LINGO2: variants seen among roughly 807,000 people sequenced by gnomAD.
The protein encoded by LINGO2 is leucine-rich repeat and immunoglobulin-like domain-containing nogo receptor-interacting protein 2.
A neutral mutation model predicts 30.6 loss-of-function variants in LINGO2; 14 were observed. The ratio of observed to expected loss-of-function variants is 0.46; its 90% CI spans 0.30 to 0.72. LINGO2 has a LOEUF of 0.72. Among genes scored for constraint, LINGO2 ranks in the 30% least tolerant of loss-of-function variants. LINGO2 has a pLI of 0.07. For synonymous variants in LINGO2, 317 were observed against 288.5 expected (o/e 1.10, Z -1.00); for missense variants, 729 against 751.7 (o/e 0.97, Z 0.35).
chr9:27,956,282 T>G (rs1385452781), intron 5 of LINGO2, among the ~76,000 whole-genome samples: 1 of 152,150 alleles, frequency 6.6e-6, no homozygotes, highest in East Asian at 1.9e-4. Flanking sequence ...GGGACTATAT[T>G]ATCTCTTTGC....
At chr9:28,841,326 G>A in the LINGO2 span, among the ~76,000 whole-genome samples, 1 of 151,816 alleles carries the variant, frequency 6.6e-6, no homozygotes, top group African/African-American at 2.4e-5. Flanking sequence ...ACAAAAGATT[G>A]GCACCTGATT....
chr9:28,844,885 G>C, the LINGO2 span, among the ~76,000 whole-genome samples: 3 of 151,802 alleles, frequency 2.0e-5, no homozygotes, highest in Non-Finnish European at 4.4e-5. Flanking sequence ...ATGAATCACT[G>C]AGTTTGTGAC....
the LINGO2 span, among the ~76,000 whole-genome samples, chr9:28,872,378 A>C: frequency 6.6e-6 from 1 of 152,082 alleles, no homozygotes. Context: ...AGTGGAAGAC[A>C]TGACATTTAA....
chr9:28,280,417 A>T (rs1470910954), intron 4 of LINGO2, among the ~76,000 whole-genome samples: 1 of 152,192 alleles, frequency 6.6e-6, no homozygotes, highest in Non-Finnish European at 1.5e-5. Context: ...GAAGAATGTT[A>T]GGGAGAAGTT....
intron 1 of LINGO2, among the ~76,000 whole-genome samples, chr9:28,667,968 G>A (rs1306604685): frequency 1.3e-5 from 2 of 152,016 alleles, no homozygotes; most frequent in South Asian, 2.1e-4. Context: ...TCATCACACT[G>A]GTGACACCTT....
rs1827666882 is a variant in LINGO2 at position 28,141,346 on chromosome 9, T to A, written c.-86-128941A>T. 4.6e-5 allele frequency among the ~76,000 whole-genome samples: 7 copies of A among 152,204 alleles called. No homozygotes were observed. In the South Asian group the frequency reaches 1.4e-3, roughly 32 times the overall value. ...TATTTGCAAATGTGGTGTGGGAACG[T>A]TGGTGTGTTTGTAACAAGACTGGCA... is the stretch of plus-strand genomic sequence containing the variant. On this transcript the variant is annotated intron_variant, in intron 4 of 5. Coordinates refer to ENST00000379992, the Ensembl canonical transcript of LINGO2.
chr9:28,192,134 A>G (rs1310131217), intron 4 of LINGO2, among the ~76,000 whole-genome samples: 2 of 151,986 alleles, frequency 1.3e-5, no homozygotes, highest in Admixed American at 6.6e-5. Context: ...CCACATTTCA[A>G]TATAGCACCA....
the LINGO2 span, among the ~76,000 whole-genome samples, chr9:28,780,149 C>A: frequency 6.6e-6 from 1 of 151,964 alleles, no homozygotes; most frequent in East Asian, 1.9e-4. Flanking sequence ...TAGAAGTGTT[C>A]AATATAAATT....
chr9:28,849,319 G>A, the LINGO2 span, among the ~76,000 whole-genome samples: 5 of 151,972 alleles, frequency 3.3e-5, no homozygotes, highest in Admixed American at 1.3e-4. Flanking sequence ...TCCCTGGCAT[G>A]TGAAAACAGA....
At chr9:28,989,480 A>C in the LINGO2 span, among the ~76,000 whole-genome samples, 5 of 152,196 alleles carry the variant, frequency 3.3e-5, no homozygotes, top group Admixed American at 6.5e-5. Context: ...ATCACCAGGT[A>C]ACATATTAGA....
intron 4 of LINGO2, among the ~76,000 whole-genome samples, chr9:28,292,262 T>C (rs1294469440): frequency 6.6e-6 from 1 of 152,158 alleles, no homozygotes; most frequent in African/African-American, 2.4e-5. Flanking sequence ...ATTTTCTCAC[T>C]TTCTCTCTGC....
intron 3 of LINGO2, among the ~76,000 whole-genome samples, chr9:28,356,594 C>A (rs1019221483): frequency 6.6e-6 from 1 of 152,084 alleles, no homozygotes; most frequent in African/African-American, 2.4e-5. Flanking sequence ...TAAGAACTTC[C>A]ACAATCCTAA....
intron 1 of LINGO2, among the ~76,000 whole-genome samples, chr9:28,555,679 G>A (rs1051021740): frequency 5.9e-5 from 9 of 151,940 alleles, no homozygotes; most frequent in Non-Finnish European, 1.0e-4. Flanking sequence ...CCAAAGCCGG[G>A]CCGAGACACA....
intron 3 of LINGO2, among the ~76,000 whole-genome samples, chr9:28,339,765 GGTAGAAACAATGTGAA>G (rs1825707296): frequency 6.6e-6 from 1 of 152,126 alleles, no homozygotes; most frequent in Non-Finnish European, 1.5e-5. Flanking sequence ...TCCAGGCAAT[GGTAGAAACAATGTGAA>G]GATCTGTTAT....
At chr9:27,974,069 C>T (rs1017994377) in intron 5 of LINGO2, among the ~76,000 whole-genome samples, 2 of 152,168 alleles carry the variant, frequency 1.3e-5, no homozygotes, top group African/African-American at 4.8e-5. Context: ...TAATAGGCTT[C>T]ATTCCTCAAA....
chr9:28,959,612 T>TCTCTCACACACACACACACACA, the LINGO2 span, among the ~76,000 whole-genome samples: 31 of 132,224 alleles, frequency 2.3e-4, no homozygotes, highest in African/African-American at 9.3e-4. Flanking sequence ...TCTCTCTCCC[T>TCTCTCACACACACACACACACA]CACACACACA....
the LINGO2 span, among the ~76,000 whole-genome samples, chr9:29,139,873 C>A: frequency 6.6e-6 from 1 of 151,906 alleles, no homozygotes; most frequent in Admixed American, 6.6e-5. Flanking sequence ...TTGGGGACCA[C>A]TGAGAACAAA....
chr9:28,048,343 T>C (rs997355791), intron 4 of LINGO2, among the ~76,000 whole-genome samples: 1 of 150,726 alleles, frequency 6.6e-6, no homozygotes, highest in African/African-American at 2.5e-5. Context: ...ATAACTAAAA[T>C]TCAGAAGGAA....
chr9:28,965,745 A>G, the LINGO2 span, among the ~76,000 whole-genome samples: 1 of 152,092 alleles, frequency 6.6e-6, no homozygotes, highest in African/African-American at 2.4e-5. Flanking sequence ...TCTTTATGAC[A>G]TTTCCAGACA....
Sources: gnomAD v4.1 joint callset for allele counts (sites outside exome capture counted in the v4.1 genomes callset) on GRCh38, gnomAD v4.1.1 for gene constraint, MANE v1.5 for transcripts, NCBI Gene and HGNC (gene_info 2026-07-23, HGNC 2026-07-21) for gene names.